The following TRARG1 variants were observed in gnomAD, a reference collection of about 807,000 sequenced individuals.
TRARG1 encodes trafficking regulator of GLUT4 (SLC2A4) 1 (gene/pseudogene), also known as trafficking regulator of GLUT4 1.
In TRARG1, 16 loss-of-function variants were observed where a neutral mutation model predicts 13.3. The ratio of observed to expected loss-of-function variants is 1.20; its 90% confidence interval spans 0.81 to 1.83. The LOEUF is 1.83. Ranked by LOEUF, TRARG1 falls within the 40% of genes most tolerant of loss-of-function variation. TRARG1 has a pLI of 0.00. For synonymous variants in TRARG1, 113 were observed against 106.2 expected (o/e 1.06, Z -0.39); for missense variants, 250 against 237.4 (o/e 1.05, Z -0.35).
At chr17:1,287,436 CT>C (rs1300220343) in intron 1 of TRARG1, among the ~76,000 whole-genome samples, 2 of 151,862 alleles carry the variant, frequency 1.3e-5, no homozygotes, top group African/African-American at 4.8e-5. Flanking sequence ...TCTTTGCTCA[CT>C]GCAAGCTCCG....
chr17:1,282,724 C>T lies in TRARG1; in HGVS notation c.387+2336C>T, dbSNP rs1212030564. Among the ~76,000 whole-genome samples the T allele has an allele frequency of 5.3e-5, 8 of 152,122 alleles. No homozygotes were observed. The South Asian group carries it at 1.2e-3, about 24-fold the overall frequency. On this transcript the variant is annotated intron_variant, in intron 1 of 2. Transcript: ENST00000333813. ...GTTTTATTTGAAACGGAGCCTCGCT[C>T]TGTCGCCCAGGCTGGAGTGCAATGG... is the stretch of plus-strand genomic sequence containing the variant.
intron 2 of TRARG1, among the ~76,000 whole-genome samples, 155 bp from the exon 3 acceptor site, chr17:1,298,096 G>T (rs1409118730): frequency 1.3e-5 from 2 of 152,142 alleles, no homozygotes; most frequent in African/African-American, 4.8e-5. Context: ...TACTCCAAGA[G>T]CTCCAAACCA....
intron 1 of TRARG1, among the ~76,000 whole-genome samples, chr17:1,284,713 C>T (rs11651823): frequency 0.19 from 28,787 of 151,750 alleles, 2,994 homozygotes; most frequent in Middle Eastern, 0.28. Flanking sequence ...TGGAGTCTTG[C>T]TCTGTCGCCC....
In TRARG1 at chr17:1,296,358, G is replaced by A. The variant is rs568749123; in HGVS notation, c.520+735G>A. On this transcript the variant is annotated intron_variant, in intron 2 of 2. Coordinates refer to ENST00000333813, the MANE Select transcript of TRARG1 (RefSeq NM_172367.3). ...ATTACAGGCACCAGCCACCACGCCC[G>A]ACTAATTTTTGTATTTTTAGTAGAG... Among the ~76,000 whole-genome samples the A allele has an allele frequency of 4.6e-5, 7 of 151,270 alleles. No homozygotes were observed. The East Asian group carries it at 5.9e-4, about 13-fold the overall frequency.
rs2071963345 is a variant in TRARG1 at position 1,280,295 on chromosome 17, A to G, written c.294A>G (p.Gln98=). 6.2e-7 allele frequency: 1 copy of G among 1,613,918 alleles called. No individual in the cohort carries two copies. Among genetic ancestry groups the G allele is most frequent in the African/African-American group, 1.3e-5 (1 of 74,950 alleles). The part of the protein sequence containing the change: ...SIATTSYAQD[Q]EAPRDYLILA... Reference sequence around the variant, plus strand: ...CCACCACCTCCTATGCCCAAGACCAAGAAGCCCCCAGAGATTACCTCATCC... The same window carrying G: ...CCACCACCTCCTATGCCCAAGACCAGGAAGCCCCCAGAGATTACCTCATCC... Residue 98 remains glutamine, a synonymous_variant, in exon 1 of 3, where the codon CAA becomes CAG. Transcript: ENST00000333813.
rs761640273 is a variant in TRARG1 at position 1,298,275 on chromosome 17, G to A, written c.*11G>A. On this transcript the variant is annotated 3_prime_UTR_variant, in exon 3 of 3. Transcript: ENST00000333813. ...GTTCAGAAGAAATAAACTTAAGCAG[G>A]GAGCTGGGCTAGCAGAGGCCGGCCC... 13 of 1,613,130 alleles carry A rather than the reference G, an allele frequency of 8.1e-6. No individual in the cohort carries two copies. In the African/African-American group the frequency reaches 1.6e-4, roughly 20 times the overall value.
At chr17:1,291,310 C>G (rs1161636708) in intron 1 of TRARG1, among the ~76,000 whole-genome samples, 2 of 152,086 alleles carry the variant, frequency 1.3e-5, no homozygotes, top group Non-Finnish European at 2.9e-5. Flanking sequence ...AGGGTTTTGC[C>G]ATGTTGGCCA....
rs2071979069 is a variant in TRARG1 at position 1,282,057 on chromosome 17, T to TGCATGTATAC, written c.387+1669_387+1670insGCATGTATAC. Among the ~76,000 whole-genome samples, 4 of 63,918 alleles carry TGCATGTATAC rather than the reference T, an allele frequency of 6.3e-5. No homozygotes were observed. In the South Asian group the frequency reaches 2.3e-3, roughly 37 times the overall value. The allele number at this position is 63,918 out of a possible 152,430, so 41.9% of individuals were successfully genotyped here. Reference sequence around the variant, plus strand: ...ATATACACACATATGTACACATATGTACATGTATACACATATATACATATA... The same window carrying TGCATGTATAC: ...ATATACACACATATGTACACATATGTGCATGTATACACATGTATACACATATATACATATA... On this transcript the variant is annotated intron_variant, in intron 1 of 2. Transcript: ENST00000333813.
rs6502774 is a variant in TRARG1 at position 1,280,060 on chromosome 17, T to C, written c.59T>C (p.Phe20Ser). The C allele has an allele frequency of 0.76, 1,222,744 of 1,613,398 alleles. 466,269 individuals carry two copies. Among genetic ancestry groups the C allele is most frequent in the East Asian group, 0.93 (41,804 of 44,878 alleles). ...PSAQEPGSAAFLDLPEMEILL... is the reference protein window; with the variant it reads ...PSAQEPGSAASLDLPEMEILL... ...GCACAGGAGCCAGGCTCCGCCGCAT[T>C]CCTGGACCTGCCGGAGATGGAGATA... Residue 20 changes from phenylalanine (F) to serine (S), a missense_variant, in exon 1 of 3, where the codon TTC becomes TCC. Phe to Ser is a radical substitution (Grantham distance 155, BLOSUM62 -2). Coordinates refer to ENST00000333813, the MANE Select transcript of TRARG1 (RefSeq NM_172367.3).
intron 1 of TRARG1, among the ~76,000 whole-genome samples, chr17:1,283,497 C>T (rs2071998362): frequency 6.6e-6 from 1 of 152,200 alleles, no homozygotes; most frequent in Non-Finnish European, 1.5e-5. Flanking sequence ...GAACATTTGC[C>T]TCATCTCCAA....
intron 1 of TRARG1, 123 bp from the exon 2 acceptor site, chr17:1,295,368 C>A: frequency 1.6e-6 from 2 of 1,273,284 alleles, no homozygotes; most frequent in Non-Finnish European, 2.1e-6. Context: ...GTGTGGGCTG[C>A]CATGGGGACG....
intron 1 of TRARG1, among the ~76,000 whole-genome samples, chr17:1,290,108 C>T (rs889696123): frequency 6.6e-6 from 1 of 152,198 alleles, no homozygotes; most frequent in South Asian, 2.1e-4. Context: ...AACCTGAACT[C>T]TTTTCCAATT....
intron 1 of TRARG1, among the ~76,000 whole-genome samples, chr17:1,282,319 T>C (rs1184080155): frequency 1.7e-5 from 2 of 117,426 alleles, no homozygotes; most frequent in Admixed American, 2.1e-4. Flanking sequence ...TGCGTATATA[T>C]GTACATATAT....
chr17:1,291,333 A>G (rs1223994265), intron 1 of TRARG1, among the ~76,000 whole-genome samples: 1 of 151,608 alleles, frequency 6.6e-6, no homozygotes, highest in Non-Finnish European at 1.5e-5. Context: ...CTGGTCTTAA[A>G]CTCCCGACTT....
intron 1 of TRARG1, among the ~76,000 whole-genome samples, chr17:1,282,440 G>A (rs981326075): frequency 5.9e-5 from 9 of 151,598 alleles, no homozygotes; most frequent in Non-Finnish European, 7.4e-5. Flanking sequence ...GTGCGATCTC[G>A]GCTCACTGCA....
At chr17:1,289,830 A>G (rs2072057773) in intron 1 of TRARG1, among the ~76,000 whole-genome samples, 1 of 152,112 alleles carries the variant, frequency 6.6e-6, no homozygotes, top group Non-Finnish European at 1.5e-5. Flanking sequence ...CCTCTGCCCA[A>G]ATACAAGTCC....
chr17:1,287,782 A>G (rs2072034673), intron 1 of TRARG1, among the ~76,000 whole-genome samples: 1 of 152,112 alleles, frequency 6.6e-6, no homozygotes, highest in Non-Finnish European at 1.5e-5. Flanking sequence ...CCTCCCGAGC[A>G]GCCGGGACTA....
intron 1 of TRARG1, among the ~76,000 whole-genome samples, chr17:1,285,869 T>G (rs2072016104): frequency 1.3e-5 from 2 of 149,240 alleles, no homozygotes; most frequent in African/African-American, 2.5e-5. Context: ...TTCCAGGAGG[T>G]GGAAGGAAAT....
At chr17:1,293,330 A>G (rs1458099114) in intron 1 of TRARG1, among the ~76,000 whole-genome samples, 2 of 150,760 alleles carry the variant, frequency 1.3e-5, no homozygotes, top group Non-Finnish European at 2.9e-5. Context: ...CTGCTTTGTA[A>G]CAGAGGGCAG....
Sources: gnomAD v4.1 joint callset for allele counts (sites outside exome capture counted in the v4.1 genomes callset) on GRCh38, gnomAD v4.1.1 for gene constraint, MANE v1.5 for transcripts, NCBI Gene and HGNC (gene_info 2026-07-23, HGNC 2026-07-21) for gene names.